Variants in C10orf90 observed in about 807,000 individuals in gnomAD.
C10orf90 encodes the protein chromosome 10 open reading frame 90.
C10orf90 carries 56 observed loss-of-function variants against 62.5 expected under a neutral mutation model. The observed-to-expected ratio is 0.90, with a 90% CI of 0.72 to 1.12. C10orf90 has a LOEUF of 1.12. C10orf90 is among the 50% of genes most tolerant of loss of function. C10orf90 has a pLI of 0.00. For synonymous variants in C10orf90, 386 were observed against 340.4 expected (o/e 1.13, Z -1.47); for missense variants, 970 against 880.4 (o/e 1.10, Z -1.29).
At chr10:126,530,413 A>G (rs1421303257) in intron 2 of C10orf90, among the ~76,000 whole-genome samples, 1 of 152,192 alleles carries the variant, frequency 6.6e-6, no homozygotes, top group Non-Finnish European at 1.5e-5. Context: ...TGCAGAGACT[A>G]CAGACATGAA....
chr10:126,669,746 A>G (rs1591188714), intron 1 of C10orf90, among the ~76,000 whole-genome samples: 3 of 150,654 alleles, frequency 2.0e-5, no homozygotes, highest in East Asian at 3.9e-4. Context: ...TGAAAATTAG[A>G]GCTTGCTCTC....
intron 4 of C10orf90, among the ~76,000 whole-genome samples, chr10:126,495,630 A>G (rs1316290280): frequency 6.6e-5 from 10 of 152,190 alleles, no homozygotes; most frequent in Non-Finnish European, 1.2e-4. Context: ...AAAATTAGCT[A>G]TTATTGATGA....
chr10:126,586,548 G>A (rs974516452), intron 2 of C10orf90, among the ~76,000 whole-genome samples: 1 of 152,100 alleles, frequency 6.6e-6, no homozygotes, highest in South Asian at 2.1e-4. Context: ...CGGCACCTTC[G>A]AAATGGCCAT....
intron 1 of C10orf90, among the ~76,000 whole-genome samples, chr10:126,654,210 G>A (rs1407010804): frequency 6.6e-6 from 1 of 152,184 alleles, no homozygotes; most frequent in East Asian, 1.9e-4. Context: ...GTGGAAGCCA[G>A]GCATTGACTT....
chr10:126,580,171 A>G (rs1844716768), intron 2 of C10orf90, among the ~76,000 whole-genome samples: 1 of 152,166 alleles, frequency 6.6e-6, no homozygotes, highest in African/African-American at 2.4e-5. Flanking sequence ...GGTCTGGTAA[A>G]GGAAAATACC....
At chr10:126,639,221 C>T (rs992308276) in intron 2 of C10orf90, among the ~76,000 whole-genome samples, 1 of 152,156 alleles carries the variant, frequency 6.6e-6, no homozygotes, top group Non-Finnish European at 1.5e-5. Flanking sequence ...GATTCAGATG[C>T]ACCCCTCCAG....
chr10:126,536,213 GC>G lies in C10orf90; in HGVS notation c.314-22275del, dbSNP rs1196481425. 2.0e-5 allele frequency among the ~76,000 whole-genome samples: 3 copies of G among 152,128 alleles called. No homozygotes were observed. The East Asian group carries it at 5.8e-4, about 30-fold the overall frequency. On this transcript the variant is annotated intron_variant, in intron 2 of 9. Transcript: ENST00000488181. ...CCTCCACACACACACGTGGATATGG[GC>G]TTTTGATACTACTTTGAACTTGGGG...
intron 2 of C10orf90, among the ~76,000 whole-genome samples, chr10:126,526,269 C>T (rs1863941871): frequency 6.8e-6 from 1 of 146,370 alleles, no homozygotes; most frequent in Admixed American, 6.8e-5. Context: ...TTTTGAGACT[C>T]AGTCTCACTC....
At chr10:126,493,911 A>G (rs1222129839) in intron 4 of C10orf90, among the ~76,000 whole-genome samples, 2 of 152,224 alleles carry the variant, frequency 1.3e-5, no homozygotes, top group South Asian at 2.1e-4. Flanking sequence ...CAAATGTACA[A>G]CACTGTGACA....
intron 2 of C10orf90, among the ~76,000 whole-genome samples, chr10:126,561,587 C>T (rs1006806480): frequency 3.3e-5 from 5 of 152,120 alleles, no homozygotes; most frequent in East Asian, 3.9e-4. Flanking sequence ...TTTCACTCTC[C>T]GTGCTGCAGG....
At chr10:126,446,008 A>C (rs2134047377) in intron 7 of C10orf90, among the ~76,000 whole-genome samples, 1 of 152,022 alleles carries the variant, frequency 6.6e-6, no homozygotes, top group African/African-American at 2.4e-5. Context: ...CTCAGGGGGA[A>C]GAATGGGAGG....
At chr10:126,601,496 T>G (rs12249451) in intron 2 of C10orf90, among the ~76,000 whole-genome samples, 3,364 of 152,334 alleles carry the variant, frequency 0.022, 127 homozygotes, top group African/African-American at 0.076. Context: ...ACACAGGGAC[T>G]GTGCTTTACT....
intron 2 of C10orf90, among the ~76,000 whole-genome samples, chr10:126,624,813 G>C (rs1038110766): frequency 1.3e-5 from 2 of 152,060 alleles, no homozygotes; most frequent in Non-Finnish European, 2.9e-5. Flanking sequence ...CCCCCACAGT[G>C]GGGGGCAGGC....
At chr10:126,509,172 A>G (rs1371959190) in intron 3 of C10orf90, among the ~76,000 whole-genome samples, 1 of 152,240 alleles carries the variant, frequency 6.6e-6, no homozygotes, top group African/African-American at 2.4e-5. Flanking sequence ...GGATGAGGGA[A>G]GAGCAATCAT....
intron 4 of C10orf90, among the ~76,000 whole-genome samples, chr10:126,479,160 G>A (rs1719292805): frequency 6.6e-6 from 1 of 152,186 alleles, no homozygotes; most frequent in South Asian, 2.1e-4. Flanking sequence ...GAATAAGAAT[G>A]TCTGGACCCT....
intron 2 of C10orf90, among the ~76,000 whole-genome samples, chr10:126,599,107 G>C (rs1262812272): frequency 6.6e-6 from 1 of 151,896 alleles, no homozygotes. Context: ...TTCAGGCAAG[G>C]TCTCCTCTGC....
chr10:126,539,376 G>A (rs959923055), intron 2 of C10orf90, among the ~76,000 whole-genome samples: 7 of 152,200 alleles, frequency 4.6e-5, no homozygotes, highest in African/African-American at 1.7e-4. Flanking sequence ...TATGGGGGGA[G>A]GATGTGTGTG....
intron 8 of C10orf90, among the ~76,000 whole-genome samples, chr10:126,426,541 G>A (rs557519283): frequency 6.6e-6 from 1 of 152,202 alleles, no homozygotes; most frequent in African/African-American, 2.4e-5. Context: ...CATATAAATA[G>A]AAATAGCAGG....
intron 1 of C10orf90, among the ~76,000 whole-genome samples, chr10:126,663,541 G>C (rs1846561632): frequency 6.6e-6 from 1 of 152,164 alleles, no homozygotes; most frequent in African/African-American, 2.4e-5. Flanking sequence ...CAGGAAATCA[G>C]CTGACACCCG....
Sources: gnomAD v4.1 joint callset for allele counts (sites outside exome capture counted in the v4.1 genomes callset) on GRCh38, gnomAD v4.1.1 for gene constraint, MANE v1.5 for transcripts, NCBI Gene and HGNC (gene_info 2026-07-23, HGNC 2026-07-21) for gene names.